HSCB: variants seen among roughly 807,000 people sequenced by gnomAD.
The protein encoded by HSCB is HscB mitochondrial iron-sulfur cluster cochaperone.
In HSCB, 23 loss-of-function variants were observed where a neutral mutation model predicts 31.3. The ratio of observed to expected loss-of-function variants is 0.74; its 90% CI spans 0.53 to 1.04. HSCB has a LOEUF of 1.04. Among genes scored for constraint, HSCB ranks in the 50% least tolerant of loss-of-function variants. The pLI is 0.00. For missense variants in HSCB, 297 were observed against 288.1 expected (o/e 1.03, Z -0.22); for synonymous variants, 110 against 104.5 (o/e 1.05, Z -0.32).
Position 28,742,338 on chromosome 22 carries a change from G to A in HSCB, c.236+7G>A, listed in dbSNP as rs1361504138. On this transcript the variant is annotated splice_region_variant and intron_variant, in intron 1 of 5. Coordinates refer to ENST00000216027, the MANE Select transcript of HSCB (RefSeq NM_172002.5). ...ACTTCAGCCTTATGGACTGGTACGA[G>A]CGACGGTTTCGGGAAACGGGCCCGG... The A allele has an allele frequency of 6.2e-7, 1 of 1,608,758 alleles. No homozygotes were observed. The highest frequency in any genetic ancestry group is 8.5e-7 in the Non-Finnish European group (1 of 1,175,892).
At chr22:28,742,383 C>T in intron 1 of HSCB, 52 bp downstream of exon 1, 1 of 1,594,556 alleles carries the variant, frequency 6.3e-7, no homozygotes, top group Non-Finnish European at 8.6e-7. Context: ...ACGTCGAGGT[C>T]TGGCCTGCGA....
At chr22:28,747,882 C>CG (rs1290031824) in intron 4 of HSCB, among the ~76,000 whole-genome samples, 1 of 149,394 alleles carries the variant, frequency 6.7e-6, no homozygotes, top group African/African-American at 2.4e-5. Flanking sequence ...CCTTTCCCCC[C>CG]CAAAAAAATC....
At chr22:28,755,617 A>G (rs367704104) in intron 5 of HSCB, among the ~76,000 whole-genome samples, 1 of 152,096 alleles carries the variant, frequency 6.6e-6, no homozygotes, top group African/African-American at 2.4e-5. Flanking sequence ...TTTTCTTTAT[A>G]TAAATAATAC....
intron 5 of HSCB, among the ~76,000 whole-genome samples, chr22:28,755,238 G>A (rs9625562): frequency 0.1 from 15,647 of 150,978 alleles, 895 homozygotes; most frequent in East Asian, 0.18. Flanking sequence ...GTGAAACCCC[G>A]TCTCTACTAA....
At position 28,746,062 on chromosome 22, in the gene HSCB, C is replaced by T. The variant is rs1303404052; in HGVS notation, c.568+54C>T. On this transcript the variant is annotated intron_variant, in intron 4 of 5. Coordinates refer to ENST00000216027, the MANE Select transcript of HSCB (RefSeq NM_172002.5). ...TTCATTGCTGTTATGAACACTTGTCCAAGGATTAGTGAAAAATGAACGTAG... is the reference window on the plus strand; with the variant it reads ...TTCATTGCTGTTATGAACACTTGTCTAAGGATTAGTGAAAAATGAACGTAG... 3.3e-6 allele frequency: 5 copies of T among 1,537,104 alleles called. No individual in the cohort carries two copies. In the East Asian group the frequency reaches 1.1e-4, roughly 35 times the overall value.
chr22:28,754,903 C>G (rs2030497026), intron 5 of HSCB, among the ~76,000 whole-genome samples: 1 of 150,208 alleles, frequency 6.7e-6, no homozygotes, highest in South Asian at 2.1e-4. Flanking sequence ...TCAAGTGATT[C>G]TCCTGCCTCA....
At position 28,745,863 on chromosome 22, in the gene HSCB, G is replaced by A; in HGVS notation, c.424-1G>A. 6.2e-7 allele frequency: 1 copy of A among 1,605,122 alleles called. No individual in the cohort carries two copies. The highest frequency in any genetic ancestry group is 8.5e-7 in the Non-Finnish European group (1 of 1,177,098). On this transcript the variant is annotated splice_acceptor_variant, in intron 3 of 5. Coordinates refer to ENST00000216027, the MANE Select transcript of HSCB (RefSeq NM_172002.5). LOFTEE classifies it high-confidence loss of function. ...ATTTTTCTTGCTTTCTACCCCAATAGCTAAAGCTCCATGGAATAGAGATTC... is the reference window on the plus strand; with the variant it reads ...ATTTTTCTTGCTTTCTACCCCAATAACTAAAGCTCCATGGAATAGAGATTC...
chr22:28,751,964 C>T (rs115474940), intron 5 of HSCB, among the ~76,000 whole-genome samples: 1,890 of 151,294 alleles, frequency 0.012, 46 homozygotes, highest in African/African-American at 0.043. Flanking sequence ...GTGGCATGTG[C>T]CTACAGTCCC....
At chr22:28,743,652 A>G (rs1205575790) in intron 1 of HSCB, among the ~76,000 whole-genome samples, 1 of 151,782 alleles carries the variant, frequency 6.6e-6, no homozygotes, top group African/African-American at 2.4e-5. Context: ...CTTTCCTCTG[A>G]TCTTTGATTA....
At chr22:28,751,422 C>G in intron 5 of HSCB, 134 bp downstream of exon 5, 1 of 539,308 alleles carries the variant, frequency 1.9e-6, no homozygotes, top group South Asian at 3.0e-5. Context: ...ACTTATGAGT[C>G]TACATTTCTG....
chr22:28,746,015 G>T lies in HSCB; in HGVS notation c.568+7G>T, dbSNP rs2054681229. 6.2e-7 allele frequency: 1 copy of T among 1,607,660 alleles called. No individual in the cohort carries two copies. The highest frequency in any genetic ancestry group is 8.5e-7 in the Non-Finnish European group (1 of 1,177,752). Reference sequence around the variant, plus strand: ...ATTGAATCCATTGTCAAAGGTGAAAGATAAAATAGCACTGAATGTATTTCA... The same window carrying T: ...ATTGAATCCATTGTCAAAGGTGAAATATAAAATAGCACTGAATGTATTTCA... On this transcript the variant is annotated splice_region_variant and intron_variant, in intron 4 of 5. Transcript: ENST00000216027.
intron 1 of HSCB, 21 bp from the exon 2 acceptor site, chr22:28,743,861 A>G (rs769853494): frequency 3.8e-6 from 6 of 1,594,308 alleles, no homozygotes; most frequent in Non-Finnish European, 4.3e-6. Context: ...GTATAAATTT[A>G]ATCTCCCAAT....
intron 4 of HSCB, among the ~76,000 whole-genome samples, chr22:28,747,312 T>C (rs1353970520): frequency 6.6e-6 from 1 of 151,884 alleles, no homozygotes; most frequent in African/African-American, 2.4e-5. Flanking sequence ...TTGGTTTTTG[T>C]TTTTTTTGAG....
intron 4 of HSCB, among the ~76,000 whole-genome samples, chr22:28,750,275 A>C (rs1012063987): frequency 1.8e-3 from 247 of 138,900 alleles, no homozygotes; most frequent in Non-Finnish European, 2.7e-3. Flanking sequence ...AAAAAAAAAA[A>C]ACACTTATTC....
intron 5 of HSCB, among the ~76,000 whole-genome samples, chr22:28,752,601 G>A (rs746907431): frequency 6.7e-6 from 1 of 148,594 alleles, no homozygotes; most frequent in Non-Finnish European, 1.5e-5. Flanking sequence ...AGGCCTGGTG[G>A]TGACCGTCTG....
At chr22:28,747,744 A>C (rs1601394030) in intron 4 of HSCB, among the ~76,000 whole-genome samples, 1 of 152,182 alleles carries the variant, frequency 6.6e-6, no homozygotes, top group South Asian at 2.1e-4. Flanking sequence ...TTTGTAGTGT[A>C]CCTACAAATA....
chr22:28,751,272 C>T lies in HSCB; in HGVS notation c.600C>T (p.Ser200=). 1 of 1,599,696 alleles carries T rather than the reference C, an allele frequency of 6.3e-7. No individual in the cohort carries two copies. The highest frequency in any genetic ancestry group is 8.5e-7 in the Non-Finnish European group (1 of 1,170,830). Residue 200 remains serine (S), a synonymous_variant, in exon 5 of 6, where the codon AGC becomes AGT. Transcript: ENST00000216027. The stretch of plus-strand genomic sequence containing the variant: ...AGAAAGAATTTACTGACAATGTGAG[C>T]AGTGCTTTTGAACAAGGTACTTTCT... ...AKQKEFTDNV[S]SAFEQDDFEE... is the part of the protein sequence containing the mutation.
chr22:28,745,976 C>T lies in HSCB; in HGVS notation c.536C>T (p.Ala179Val). ...AAACTCGCAGAAGCTGAAAGTGAAG[C>T]TGCCATGAAAGAGATTGAATCCATT... is the stretch of plus-strand genomic sequence containing the variant. ...NEKLAEAESEAAMKEIESIVK... is the reference protein window; with the variant it reads ...NEKLAEAESEVAMKEIESIVK... Residue 179 changes from alanine to valine, a missense_variant, in exon 4 of 6, where the codon GCT (alanine) becomes GTT (valine). Ala to Val is a moderately conservative substitution (Grantham distance 64, BLOSUM62 0). Coordinates refer to ENST00000216027, the MANE Select transcript of HSCB (RefSeq NM_172002.5). 1.9e-6 allele frequency: 3 copies of T among 1,613,316 alleles called. No individual in the cohort carries two copies. The highest frequency in any genetic ancestry group is 2.5e-6 in the Non-Finnish European group (3 of 1,179,718).
At chr22:28,743,655 T>C (rs1217610633) in intron 1 of HSCB, among the ~76,000 whole-genome samples, 1 of 152,190 alleles carries the variant, frequency 6.6e-6, no homozygotes, top group Non-Finnish European at 1.5e-5. Context: ...TCCTCTGATC[T>C]TTGATTACTC....
Sources: gnomAD v4.1 joint callset for allele counts (sites outside exome capture counted in the v4.1 genomes callset) on GRCh38, gnomAD v4.1.1 for gene constraint, MANE v1.5 for transcripts, NCBI Gene and HGNC (gene_info 2026-07-23, HGNC 2026-07-21) for gene names.